The following TMEM168 variants were observed in gnomAD, a reference collection of about 807,000 sequenced individuals.
TMEM168 encodes the protein transmembrane protein 168.
Under a neutral mutation model 53.2 loss-of-function variants are expected in TMEM168, and 40 were observed. The observed-to-expected ratio is 0.75, with a 90% confidence interval of 0.58 to 0.98. The LOEUF is 0.98. Ranked by LOEUF, TMEM168 falls within the 50% of genes least tolerant of loss-of-function variation. The pLI, the probability that TMEM168 is intolerant of heterozygous loss-of-function variation, is 0.00. For synonymous variants in TMEM168, 282 were observed against 293.0 expected, an observed-to-expected ratio of 0.96 and a Z score of 0.38; for missense variants, 771 against 828.8, an observed-to-expected ratio of 0.93 and a Z score of 0.86.
intron 1 of TMEM168, among the ~76,000 whole-genome samples, chr7:112,786,598 G>GT (rs111631794): frequency 1.9e-3 from 279 of 145,502 alleles, no homozygotes; most frequent in Middle Eastern, 0.01. Context: ...AATGCATTGA[G>GT]TTTTTTTTTT....
rs754054333 is a variant in TMEM168, at chr7:112,767,450, G to A, written c.1841C>T (p.Ala614Val). Residue 614 changes from alanine to valine, a missense_variant, in exon 5 of 5, where the codon GCA becomes GTA. Physicochemically the swap from Ala to Val is moderately conservative, Grantham distance 64 (BLOSUM62 0). Coordinates refer to ENST00000312814, the MANE Select transcript of TMEM168 (RefSeq NM_022484.6). ...CCACCGTTTTGACACACCATATACT[G>A]CTTTCACTGTGCGTCCCTTTTCAGT... ...CWTEKGRTVK[A>V]VYGVSKRWSD... 1.2e-6 allele frequency: 2 copies of A among 1,614,006 alleles called. No individual in the cohort carries two copies. The highest frequency in any genetic ancestry group is 1.3e-5 in the African/African-American group (1 of 74,914).
chr7:112,767,412 G>C lies in TMEM168; in HGVS notation c.1879C>G (p.Leu627Val). 1 of 1,614,126 alleles carries C rather than the reference G, an allele frequency of 6.2e-7. No individual in the cohort carries two copies. Among genetic ancestry groups the C allele is most frequent in the Non-Finnish European group, 8.5e-7 (1 of 1,180,006 alleles). ...ACATCGCTTCCCGTTGGCAAATGCAGAGTGTAGTCACTCCACCGTTTTGAC... is the reference window on the plus strand; with the variant it reads ...ACATCGCTTCCCGTTGGCAAATGCACAGTGTAGTCACTCCACCGTTTTGAC... ...GVSKRWSDYT[L>V]HLPTGSDVAK... is the part of the protein sequence containing the mutation. Residue 627 changes from leucine to valine, a missense_variant, in exon 5 of 5, where the codon CTG becomes GTG. By Grantham distance (32) the Leu-to-Val change is conservative. Coordinates refer to ENST00000312814, the MANE Select transcript of TMEM168 (RefSeq NM_022484.6).
Position 112,784,867 on chromosome 7 carries a change from A to C in TMEM168, c.-42T>G. 2 of 1,497,918 alleles carry C rather than the reference A, an allele frequency of 1.3e-6. No homozygotes were observed. Among genetic ancestry groups the C allele is most frequent in the Non-Finnish European group, 1.8e-6 (2 of 1,132,460 alleles). The allele number at this position is 1,497,918 out of a possible 1,614,324, so 92.8% of individuals were successfully genotyped here. ...GCTTTTCCCTCACGTTACAAAAATT[A>C]ACCGCTTGTATTTCATCCAGTATAT... is the stretch of plus-strand genomic sequence containing the variant. On this transcript the variant is annotated 5_prime_UTR_variant, in exon 2 of 5. The change creates a premature stop within an existing upstream ORF in the 5' untranslated region. Coordinates refer to ENST00000312814, the MANE Select transcript of TMEM168 (RefSeq NM_022484.6).
At chr7:112,770,716 A>C (rs1792909807) in intron 4 of TMEM168, among the ~76,000 whole-genome samples, 1 of 152,184 alleles carries the variant, frequency 6.6e-6, no homozygotes, top group Non-Finnish European at 1.5e-5. Flanking sequence ...GCTATCTTTA[A>C]GAAATACTTA....
In TMEM168 at chr7:112,766,490, C is replaced by T. The variant is rs144432051; in HGVS notation, c.*707G>A. The T allele has an allele frequency of 0.015, 2,352 of 152,686 alleles. 28 individuals are homozygous for T. Among genetic ancestry groups the T allele is most frequent in the Non-Finnish European group, 0.024 (1,622 of 68,016 alleles). 9.5% of individuals were successfully genotyped at this position (152,686 alleles called of 1,614,324 possible). A position where few individuals can be genotyped will look rare whatever the true frequency, so the allele number is the denominator to read the frequency against. Reference sequence around the variant, plus strand: ...AAACATTAAGTTACCCTGAGAAAGACTCTTAATATTACCAGTGTTTTCAGG... The same window carrying T: ...AAACATTAAGTTACCCTGAGAAAGATTCTTAATATTACCAGTGTTTTCAGG... On this transcript the variant is annotated 3_prime_UTR_variant, in exon 5 of 5. Transcript: ENST00000312814.
In TMEM168 at chr7:112,775,493, C is replaced by T. The variant is rs537099051; in HGVS notation, c.1129-175G>A. Among the ~76,000 whole-genome samples the T allele has an allele frequency of 4.0e-5, 6 of 151,864 alleles. No homozygotes were observed. In the South Asian group the frequency reaches 8.3e-4, roughly 21 times the overall value. On this transcript the variant is annotated intron_variant, in intron 2 of 4. Coordinates refer to ENST00000312814, the MANE Select transcript of TMEM168 (RefSeq NM_022484.6). ...AGACACGTATACATGGATGAGCTAA[C>T]TAGTGCAATAAATCCTAAATTTATC...
chr7:112,787,345 G>A (rs955242842), intron 1 of TMEM168, among the ~76,000 whole-genome samples: 1 of 151,342 alleles, frequency 6.6e-6, no homozygotes, highest in Admixed American at 6.6e-5. Flanking sequence ...AAATCCAATG[G>A]GTACTTTTCA....
At chr7:112,780,267 G>A (rs1157217826) in intron 2 of TMEM168, among the ~76,000 whole-genome samples, 1 of 152,130 alleles carries the variant, frequency 6.6e-6, no homozygotes, top group Non-Finnish European at 1.5e-5. Flanking sequence ...AGCTTATTCT[G>A]TAGATTAGAA....
rs1384572300 is a variant in TMEM168 at position 112,783,796 on chromosome 7, T to C, written c.1030A>G (p.Met344Val). Reference sequence around the variant, plus strand: ...AAATGGCGCATCCCTTTGGATGCCATGATTCTATCAAGGCTATTGTAATCT... The same window carrying C: ...AAATGGCGCATCCCTTTGGATGCCACGATTCTATCAAGGCTATTGTAATCT... ...RTDYNSLDRI[M>V]ASKGMRHFCL... Residue 344 changes from methionine to valine, a missense_variant, in exon 2 of 5, where the codon ATG becomes GTG. Physicochemically the swap from Met to Val is conservative, Grantham distance 21. Transcript: ENST00000312814. 10 of 1,599,912 alleles carry C rather than the reference T, an allele frequency of 6.3e-6. No individual in the cohort carries two copies. The highest frequency in any genetic ancestry group is 8.5e-6 in the Non-Finnish European group (10 of 1,173,810).
intron 4 of TMEM168, among the ~76,000 whole-genome samples, chr7:112,771,467 A>G (rs1364554171): frequency 6.6e-6 from 1 of 152,228 alleles, no homozygotes. Flanking sequence ...GATTTCACAT[A>G]AAGATTAACA....
At position 112,764,396 on chromosome 7, in the gene TMEM168, A is replaced by G. The variant is rs1246115006; in HGVS notation, c.*2801T>C. ...TTCTTAAACATGACAGCCATAGACA[A>G]ATTAGTCTCATTGTCAGATCTATTT... is the stretch of plus-strand genomic sequence containing the variant. On this transcript the variant is annotated 3_prime_UTR_variant, in exon 5 of 5. Transcript: ENST00000312814. 6.6e-6 allele frequency: 1 copy of G among 152,108 alleles called. No individual in the cohort carries two copies. Among genetic ancestry groups the G allele is most frequent in the East Asian group, 1.9e-4 (1 of 5,198 alleles). 9.4% of individuals were successfully genotyped at this position (152,108 alleles called of 1,614,324 possible).
chr7:112,775,159 ATACTAGATTACTG>A lies in TMEM168; in HGVS notation c.1271+4_1271+16del. ...ATGAAGTGAATAGTTATCACTAACT[ATACTAGATTACTG>A]TACCTGCAGAAGTTGGTGGGAATCA... On this transcript the variant is annotated splice_donor_5th_base_variant and intron_variant, in intron 3 of 4. Transcript: ENST00000312814. 6.3e-7 allele frequency: 1 copy of A among 1,595,336 alleles called. No homozygotes were observed. The highest frequency in any genetic ancestry group is 8.5e-7 in the Non-Finnish European group (1 of 1,171,956).
At chr7:112,778,969 G>C (rs1204162626) in intron 2 of TMEM168, among the ~76,000 whole-genome samples, 1 of 152,140 alleles carries the variant, frequency 6.6e-6, no homozygotes, top group African/African-American at 2.4e-5. Flanking sequence ...ATTCACTGCA[G>C]CCTTGACCTC....
intron 2 of TMEM168, chr7:112,778,416 C>G (rs1210860693): frequency 1.3e-5 from 2 of 152,204 alleles, no homozygotes; most frequent in African/African-American, 4.8e-5. Flanking sequence ...TTATAACCTA[C>G]ATTGAGGTTT....
Position 112,783,810 on chromosome 7 carries a change from C to A in TMEM168, c.1016G>T (p.Ser339Ile), listed in dbSNP as rs1793294364. The A allele has an allele frequency of 6.2e-7, 1 of 1,605,658 alleles. No individual in the cohort carries two copies. The highest frequency in any genetic ancestry group is 8.5e-7 in the Non-Finnish European group (1 of 1,176,692). Residue 339 changes from serine to isoleucine, a missense_variant, in exon 2 of 5, where the codon AGC becomes ATC. Coordinates refer to ENST00000312814, the MANE Select transcript of TMEM168 (RefSeq NM_022484.6). ...TTTGGATGCCATGATTCTATCAAGG[C>A]TATTGTAATCTGTCCTGTGAGTAAA... ...VYFTHRTDYN[S>I]LDRIMASKGM...
intron 2 of TMEM168, among the ~76,000 whole-genome samples, chr7:112,778,893 G>T (rs1793158694): frequency 6.6e-6 from 1 of 152,076 alleles, no homozygotes; most frequent in African/African-American, 2.4e-5. Flanking sequence ...TAGAAACTGA[G>T]AATTTTATGC....
At chr7:112,789,584 T>G (rs1054059848) in intron 1 of TMEM168, among the ~76,000 whole-genome samples, 3 of 152,186 alleles carry the variant, frequency 2.0e-5, no homozygotes, top group African/African-American at 7.2e-5. Context: ...CTTTACTTAA[T>G]TCACCCAAAT....
At chr7:112,782,786 A>G (rs1478978512) in intron 2 of TMEM168, among the ~76,000 whole-genome samples, 1 of 152,222 alleles carries the variant, frequency 6.6e-6, no homozygotes, top group African/African-American at 2.4e-5. Context: ...TCTAGAAATC[A>G]GTCAGCAGCA....
rs757709754 is a variant in TMEM168, at chr7:112,767,681, C to A, written c.1610G>T (p.Cys537Phe). The stretch of plus-strand genomic sequence containing the variant: ...GTCTAATACGATAATAAGCCGGGAA[C>A]AAAAGGAACCATTCTTTTCTCTCCA... ...EWWREKNGSF[C>F]SRLIIVLDSE... The change falls in exon 5 of 5, where the codon TGT becomes TTT. Residue 537 changes from cysteine (C) to phenylalanine (F), a missense_variant. Cys to Phe is a radical substitution (Grantham distance 205). Coordinates refer to ENST00000312814, the MANE Select transcript of TMEM168 (RefSeq NM_022484.6). The A allele has an allele frequency of 6.2e-7, 1 of 1,613,996 alleles. No homozygotes were observed. Among genetic ancestry groups the A allele is most frequent in the Non-Finnish European group, 8.5e-7 (1 of 1,179,974 alleles).
Sources: allele counts gnomAD v4.1 joint callset (sites outside exome capture counted in the v4.1 genomes callset), GRCh38; gene constraint gnomAD v4.1.1; transcripts MANE v1.5; gene names NCBI Gene and HGNC (gene_info 2026-07-23, HGNC 2026-07-21).